The following SQLE variants were observed in gnomAD, a reference collection of about 807,000 sequenced individuals.
SQLE encodes squalene monooxygenase.
SQLE carries 29 observed loss-of-function variants against 60.7 expected under a neutral mutation model. The observed-to-expected ratio is 0.48, with a 90% confidence interval of 0.36 to 0.65. SQLE has a LOEUF of 0.65. Among genes scored for constraint, SQLE ranks in the 30% least tolerant of loss-of-function variants. The pLI is 0.00. For missense variants in SQLE, 605 were observed against 684.1 expected (o/e 0.88, Z 1.29); for synonymous variants, 237 against 246.8 (o/e 0.96, Z 0.37).
rs1433877263 is a variant in SQLE, at chr8:125,016,376, TCTA to T, written c.1205-1680_1205-1678del. On this transcript the variant is annotated intron_variant, in intron 7 of 10. Transcript: ENST00000265896. The surrounding 1 kb of genome is among the most constrained non-coding windows in gnomAD (Gnocchi z 4.1). ...TAATTCTTTCTTCTGCTTGATCAGT[TCTA>T]CTGTTGAGATTCTGCCATGTTCTTC... 6.6e-6 allele frequency among the ~76,000 whole-genome samples: 1 copy of T among 152,130 alleles called. No homozygotes were observed. The highest frequency in any genetic ancestry group is 1.5e-5 in the Non-Finnish European group (1 of 68,018).
In SQLE at chr8:125,016,568, C is replaced by G. The variant is rs967065924; in HGVS notation, c.1205-1491C>G. The stretch of plus-strand genomic sequence containing the variant: ...ACAGCTATTTTGAATTCTCTGAAAG[C>G]TCACATCTCTGTTACTCTGGGATTG... On this transcript the variant is annotated intron_variant, in intron 7 of 10. Coordinates refer to ENST00000265896, the MANE Select transcript of SQLE (RefSeq NM_003129.4). This position sits in a 1 kb window ranked among gnomAD's most constrained non-coding sequence, Gnocchi z 4.1. Among the ~76,000 whole-genome samples the G allele has an allele frequency of 5.3e-5, 8 of 152,110 alleles. No homozygotes were observed. Among genetic ancestry groups the G allele is most frequent in the Admixed American group, 6.5e-5 (1 of 15,278 alleles).
intron 1 of SQLE, among the ~76,000 whole-genome samples, chr8:125,001,486 G>GTGTGTA (rs1563595189): frequency 1.7e-5 from 2 of 118,198 alleles, no homozygotes; most frequent in Non-Finnish European, 3.6e-5. Context: ...GTGTGTGTGT[G>GTGTGTA]TGTATATAAA....
In SQLE at chr8:125,003,296, T is replaced by C. The variant is rs372259692; in HGVS notation, c.412T>C (p.Leu138=). ...IVGAGVLGSA[L]AAVLSRDGRK... ...GGGAGCTGGCGTGCTTGGCTCTGCTTTGGCAGCTGTGCTTTCCAGAGATGG... is the reference window on the plus strand; with the variant it reads ...GGGAGCTGGCGTGCTTGGCTCTGCTCTGGCAGCTGTGCTTTCCAGAGATGG... The change falls in exon 2 of 11, where the codon TTG becomes CTG. Residue 138 remains leucine, a synonymous_variant. Coordinates refer to ENST00000265896, the MANE Select transcript of SQLE (RefSeq NM_003129.4). The C allele has an allele frequency of 1.6e-4, 258 of 1,613,898 alleles. No homozygotes were observed. Among genetic ancestry groups the C allele is most frequent in the Non-Finnish European group, 2.0e-4 (239 of 1,179,906 alleles).
At chr8:125,005,759 T>C (rs956632065) in intron 3 of SQLE, 54 bp downstream of exon 3, 15 of 1,400,188 alleles carry the variant, frequency 1.1e-5, no homozygotes, top group Non-Finnish European at 1.3e-5. Context: ...CATTTAAATT[T>C]GACCTTTGTA....
At position 125,003,420 on chromosome 8, in the gene SQLE, G is replaced by C. The variant is rs1371589850; in HGVS notation, c.536G>C (p.Gly179Ala). The change falls in exon 2 of 11, where the codon GGT becomes GCT. Residue 179 changes from glycine (G) to alanine (A), a missense_variant. Physicochemically the swap from Gly to Ala is moderately conservative, Grantham distance 60 (BLOSUM62 0). Transcript: ENST00000265896. Reference sequence around the variant, plus strand: ...GGTTATCATGTTCTCAAAGACCTTGGTCTTGGAGGTAGGTTCATATTGATT... The same window carrying C: ...GGTTATCATGTTCTCAAAGACCTTGCTCTTGGAGGTAGGTTCATATTGATT... ...PGGYHVLKDL[G>A]LGDTVEGLDA... The C allele has an allele frequency of 6.2e-7, 1 of 1,613,810 alleles. No homozygotes were observed. The highest frequency in any genetic ancestry group is 1.7e-5 in the Admixed American group (1 of 60,016).
In SQLE at chr8:125,000,013, T is replaced by A. The variant is rs981088457; in HGVS notation, c.291+319T>A. On this transcript the variant is annotated intron_variant, in intron 1 of 10. Transcript: ENST00000265896. ...CCACTTTCCATGATGAAAAAGTTTT[T>A]AAAAAGTTCTTGGGTAAGGATTGGA... 4.5e-5 allele frequency: 23 copies of A among 512,632 alleles called. No individual in the cohort carries two copies. The Admixed American group carries it at 5.2e-4, about 12-fold the overall frequency. The allele number at this position is 512,632 out of a possible 1,614,324, so 31.8% of individuals were successfully genotyped here. A position where few individuals can be genotyped will look rare whatever the true frequency, so the allele number is the denominator to read the frequency against.
At chr8:125,010,310 T>C (rs1170470332) in intron 6 of SQLE, among the ~76,000 whole-genome samples, 1 of 152,228 alleles carries the variant, frequency 6.6e-6, no homozygotes, top group Non-Finnish European at 1.5e-5. Context: ...TTAATAAAAA[T>C]TACTTTTTCA....
chr8:125,010,473 A>G (rs79298030), intron 6 of SQLE, among the ~76,000 whole-genome samples: 2,416 of 152,244 alleles, frequency 0.016, 73 homozygotes, highest in African/African-American at 0.056. Context: ...ATAGGAAACT[A>G]TTTTTGGTAT....
In SQLE at chr8:124,999,357, CAG is replaced by C; in HGVS notation, c.-45_-44del. 4 of 1,469,016 alleles carry C rather than the reference CAG, an allele frequency of 2.7e-6. No individual in the cohort carries two copies. Among genetic ancestry groups the C allele is most frequent in the Non-Finnish European group, 3.6e-6 (4 of 1,110,216 alleles). The allele number at this position is 1,469,016 out of a possible 1,614,324, so 91.0% of individuals were successfully genotyped here. A position where few individuals can be genotyped will look rare whatever the true frequency, so the allele number is the denominator to read the frequency against. On this transcript the variant is annotated 5_prime_UTR_variant, in exon 1 of 11. Transcript: ENST00000265896. ...GGGGAGAACCTTAAACCCACTCGAG[CAG>C]ATAATCTCCGCCTTGACCGGTGCCA...
Position 124,999,437 on chromosome 8 carries a change from T to A in SQLE, c.34T>A (p.Tyr12Asn). The A allele has an allele frequency of 6.6e-7, 1 of 1,526,248 alleles. No individual in the cohort carries two copies. The allele number at this position is 1,526,248 out of a possible 1,614,324, so 94.5% of individuals were successfully genotyped here. The change falls in exon 1 of 11, where the codon TAT (tyrosine) becomes AAT (asparagine). Residue 12 changes from tyrosine (Y) to asparagine (N), a missense_variant. Transcript: ENST00000265896. ...TTTTCTGGGCATTGCCACTTTCACC[T>A]ATTTTTATAAGAAGTTCGGGGACTT... ...WTFLGIATFT[Y>N]FYKKFGDFIT...
intron 1 of SQLE, among the ~76,000 whole-genome samples, chr8:125,000,266 G>A (rs1483345161): frequency 6.6e-6 from 1 of 152,204 alleles, no homozygotes; most frequent in East Asian, 1.9e-4. Flanking sequence ...TAAGGGTGTA[G>A]TTGGGATTCC....
Position 125,009,166 on chromosome 8 carries a change from T to C in SQLE, c.937-6T>C. ...TATTAAAACATTTTCTTTTTATTTGTTTTAGAATGCACCACAGTTTAAAGC... is the reference window on the plus strand; with the variant it reads ...TATTAAAACATTTTCTTTTTATTTGCTTTAGAATGCACCACAGTTTAAAGC... On this transcript the variant is annotated splice_polypyrimidine_tract_variant and splice_region_variant and intron_variant, in intron 5 of 10. Coordinates refer to ENST00000265896, the MANE Select transcript of SQLE (RefSeq NM_003129.4). 1 of 1,585,092 alleles carries C rather than the reference T, an allele frequency of 6.3e-7. No individual in the cohort carries two copies. Among genetic ancestry groups the C allele is most frequent in the Non-Finnish European group, 8.6e-7 (1 of 1,168,998 alleles).
Position 125,016,144 on chromosome 8 carries a change from T to C in SQLE, c.1205-1915T>C, listed in dbSNP as rs1586319248. 6.6e-6 allele frequency among the ~76,000 whole-genome samples: 1 copy of C among 152,138 alleles called. No individual in the cohort carries two copies. The highest frequency in any genetic ancestry group is 6.5e-5 in the Admixed American group (1 of 15,280). Reference sequence around the variant, plus strand: ...GCTTTCTTGTGCTTGAATATTGATATCTTTCTCTAGATTTGGGAAGTTCTC... The same window carrying C: ...GCTTTCTTGTGCTTGAATATTGATACCTTTCTCTAGATTTGGGAAGTTCTC... On this transcript the variant is annotated intron_variant, in intron 7 of 10. Transcript: ENST00000265896. This position sits in a 1 kb window ranked among gnomAD's most constrained non-coding sequence, Gnocchi z 4.1.
Position 125,009,039 on chromosome 8 carries a change from C to CGA in SQLE, c.891_892insGA (p.Asn298GlufsTer15). ...CCAAGTTCAGGAAAAGCCTGGTCTCCAATAAAGTTTCTGTATCATCTCATT... is the reference window on the plus strand; with the variant it reads ...CCAAGTTCAGGAAAAGCCTGGTCTCCGAAATAAAGTTTCTGTATCATCTCATT... On this transcript the variant is annotated frameshift_variant, in exon 5 of 11. Transcript: ENST00000265896. LOFTEE classifies it high-confidence loss of function. 1 of 1,603,530 alleles carries CGA rather than the reference C, an allele frequency of 6.2e-7. No homozygotes were observed. Among genetic ancestry groups the CGA allele is most frequent in the Non-Finnish European group, 8.5e-7 (1 of 1,175,952 alleles).
In SQLE at chr8:124,998,697, G is replaced by A; in HGVS notation, c.-707G>A. ...GTGGGGAAGTGCAGTCGCGGTGGGC[G>A]GCTCTGGGGGCCAGCGAAACGGGAG... On this transcript the variant is annotated 5_prime_UTR_variant, in exon 1 of 11. Transcript: ENST00000265896. 3.2e-6 allele frequency: 2 copies of A among 617,336 alleles called. No individual in the cohort carries two copies. Among genetic ancestry groups the A allele is most frequent in the Non-Finnish European group, 5.9e-6 (2 of 339,778 alleles). The allele number at this position is 617,336 out of a possible 1,614,324, so 38.2% of individuals were successfully genotyped here.
chr8:125,005,815 A>C, intron 3 of SQLE, 110 bp downstream of exon 3: 1 of 819,552 alleles, frequency 1.2e-6, no homozygotes, highest in Non-Finnish European at 1.7e-6. Flanking sequence ...GGCATAGTCT[A>C]GAACATATGT....
intron 10 of SQLE, among the ~76,000 whole-genome samples, chr8:125,021,547 G>C (rs1483102333): frequency 6.7e-6 from 1 of 148,572 alleles, no homozygotes; most frequent in African/African-American, 2.5e-5. Flanking sequence ...AAAAAGGGGG[G>C]TGGGGGGTTT....
intron 3 of SQLE, among the ~76,000 whole-genome samples, chr8:125,007,143 A>T (rs534087456): frequency 6.6e-6 from 1 of 152,308 alleles, no homozygotes; most frequent in South Asian, 2.1e-4. Context: ...ACAAATTAAG[A>T]TGAAAATCCA....
At chr8:125,006,936 C>G (rs1446345952) in intron 3 of SQLE, among the ~76,000 whole-genome samples, 1 of 152,080 alleles carries the variant, frequency 6.6e-6, no homozygotes, top group Non-Finnish European at 1.5e-5. Context: ...ATCTCCTGAC[C>G]TTGTGATCCG....
Sources: gnomAD v4.1 joint callset for allele counts (sites outside exome capture counted in the v4.1 genomes callset) on GRCh38, gnomAD v4.1.1 for gene constraint, Gnocchi (gnomAD v3.1) non-coding constraint, MANE v1.5 for transcripts, NCBI Gene and HGNC (gene_info 2026-07-23, HGNC 2026-07-21) for gene names.